KCNH7: variants seen among roughly 807,000 people sequenced by gnomAD.
KCNH7 encodes the protein voltage-gated inwardly rectifying potassium channel KCNH7.
In KCNH7, 49 loss-of-function variants were observed where a neutral mutation model predicts 120.8. The observed-to-expected ratio is 0.41, with a 90% CI of 0.32 to 0.51. The LOEUF is 0.51. KCNH7 is among the 20% of genes least tolerant of loss of function. The pLI is 0.38. For missense variants in KCNH7, 1,097 were observed against 1,446.6 expected (o/e 0.76, Z 3.92); for synonymous variants, 547 against 516.1 (o/e 1.06, Z -0.81).
chr2:162,385,898 GA>G (rs1686557677), intron 12 of KCNH7, among the ~76,000 whole-genome samples: 1 of 151,860 alleles, frequency 6.6e-6, no homozygotes, highest in Admixed American at 6.6e-5. Context: ...ATATGGCATA[GA>G]AATTCAACAA....
At chr2:162,829,825 C>T (rs1168625287) in intron 2 of KCNH7, among the ~76,000 whole-genome samples, 3 of 149,652 alleles carry the variant, frequency 2.0e-5, no homozygotes, top group African/African-American at 4.9e-5. Flanking sequence ...ACACACTTTC[C>T]CCCAGATCTT....
intron 3 of KCNH7, among the ~76,000 whole-genome samples, chr2:162,523,279 C>G (rs182533465): frequency 6.6e-6 from 1 of 151,824 alleles, no homozygotes; most frequent in Non-Finnish European, 1.5e-5. Flanking sequence ...AGTTGAATAA[C>G]TAACTCACCC....
intron 2 of KCNH7, among the ~76,000 whole-genome samples, chr2:162,708,930 C>T (rs1157666135): frequency 6.6e-6 from 1 of 151,992 alleles, no homozygotes; most frequent in Non-Finnish European, 1.5e-5. Context: ...TAGAGAAGTA[C>T]AAGGTAGGCA....
At chr2:162,817,248 T>TA (rs778222862) in intron 2 of KCNH7, among the ~76,000 whole-genome samples, 24 of 152,304 alleles carry the variant, frequency 1.6e-4, no homozygotes, top group Middle Eastern at 3.4e-3. Flanking sequence ...TAGAGGCAAC[T>TA]ACTGTTTTGA....
chr2:162,435,139 A>C, intron 8 of KCNH7, 59 bp downstream of exon 8: 2 of 1,435,390 alleles, frequency 1.4e-6, no homozygotes, highest in Non-Finnish European at 1.9e-6. Flanking sequence ...ATATTGTAGA[A>C]ATATTAATTT....
chr2:162,727,721 C>T (rs1006870687), intron 2 of KCNH7, among the ~76,000 whole-genome samples: 2 of 152,118 alleles, frequency 1.3e-5, no homozygotes, highest in Admixed American at 1.3e-4. Flanking sequence ...TGTTTACATA[C>T]TTTCTTGTTG....
intron 3 of KCNH7, among the ~76,000 whole-genome samples, chr2:162,533,900 T>G (rs1449866645): frequency 6.6e-6 from 1 of 151,464 alleles, no homozygotes; most frequent in Admixed American, 6.6e-5. Flanking sequence ...GACATACTCA[T>G]GAAAATTGAT....
intron 6 of KCNH7, among the ~76,000 whole-genome samples, chr2:162,504,237 C>T (rs1690787647): frequency 6.6e-6 from 1 of 151,978 alleles, no homozygotes; most frequent in Middle Eastern, 3.2e-3. Context: ...CCCATTTTTG[C>T]TTAGTCTTGT....
intron 2 of KCNH7, among the ~76,000 whole-genome samples, chr2:162,762,482 T>C (rs77496165): frequency 0.062 from 9,461 of 151,972 alleles, 1,031 homozygotes; most frequent in African/African-American, 0.22. Flanking sequence ...TTAGATCCAT[T>C]CTGATACAAT....
intron 2 of KCNH7, among the ~76,000 whole-genome samples, chr2:162,812,480 A>G (rs1347057394): frequency 2.0e-5 from 3 of 152,096 alleles, no homozygotes; most frequent in African/African-American, 7.2e-5. Flanking sequence ...GATGATAATT[A>G]CCTAAGTAAA....
chr2:162,756,367 A>G (rs1688790198), intron 2 of KCNH7, among the ~76,000 whole-genome samples: 1 of 152,202 alleles, frequency 6.6e-6, no homozygotes, highest in African/African-American at 2.4e-5. Flanking sequence ...ATTCTGCCAT[A>G]TATTAGACTC....
At chr2:162,674,623 G>A (rs1574251127) in intron 2 of KCNH7, among the ~76,000 whole-genome samples, 5 of 151,784 alleles carry the variant, frequency 3.3e-5, no homozygotes, top group Admixed American at 3.3e-4. Context: ...AATTAAAAGA[G>A]ATGATATAGC....
intron 6 of KCNH7, among the ~76,000 whole-genome samples, chr2:162,468,140 T>C (rs2105628659): frequency 6.6e-6 from 1 of 152,336 alleles, no homozygotes; most frequent in Admixed American, 6.5e-5. Context: ...GTAGTCATCC[T>C]GGCACTGGTG....
chr2:162,781,980 T>G (rs980353536), intron 2 of KCNH7, among the ~76,000 whole-genome samples: 1 of 152,226 alleles, frequency 6.6e-6, no homozygotes, highest in African/African-American at 2.4e-5. Context: ...GACTGGAATT[T>G]AGGTTTTTCT....
intron 2 of KCNH7, among the ~76,000 whole-genome samples, chr2:162,736,523 T>C (rs1302608265): frequency 2.6e-5 from 4 of 152,112 alleles, no homozygotes; most frequent in Admixed American, 2.6e-4. Context: ...GATTATAGAT[T>C]GAGGATGATG....
intron 2 of KCNH7, among the ~76,000 whole-genome samples, chr2:162,741,264 T>G (rs1286509949): frequency 1.3e-5 from 2 of 149,610 alleles, no homozygotes; most frequent in African/African-American, 4.9e-5. Flanking sequence ...TTATACATAT[T>G]AATAACATAT....
At chr2:162,679,802 C>T (rs539362803) in intron 2 of KCNH7, among the ~76,000 whole-genome samples, 2 of 151,848 alleles carry the variant, frequency 1.3e-5, no homozygotes, top group Admixed American at 1.3e-4. Context: ...CTACACCCCA[C>T]ATTTCTCTGT....
chr2:162,612,879 C>T (rs1683016577), intron 2 of KCNH7, among the ~76,000 whole-genome samples: 1 of 151,876 alleles, frequency 6.6e-6, no homozygotes, highest in Admixed American at 6.6e-5. Context: ...CAACAGTCTC[C>T]AGCTGAAAGG....
intron 9 of KCNH7, among the ~76,000 whole-genome samples, chr2:162,419,268 C>A (rs1430884050): frequency 7.2e-6 from 1 of 139,140 alleles, no homozygotes; most frequent in African/African-American, 2.9e-5. Flanking sequence ...CATTAATGTC[C>A]CAGGCTAAAA....
Sources: allele counts gnomAD v4.1 joint callset (sites outside exome capture counted in the v4.1 genomes callset), GRCh38; gene constraint gnomAD v4.1.1; transcripts MANE v1.5; gene names NCBI Gene and HGNC (gene_info 2026-07-23, HGNC 2026-07-21).